Variants in ZNF438 observed in about 807,000 individuals in gnomAD.
The protein encoded by ZNF438 is zinc finger protein 438.
In ZNF438, 25 loss-of-function variants were observed where a neutral mutation model predicts 38.0. That is an observed-to-expected ratio of 0.66 (90% CI 0.48 to 0.92). ZNF438 has a LOEUF of 0.92. Among genes scored for constraint, ZNF438 ranks in the 40% least tolerant of loss-of-function variants. ZNF438 has a pLI of 0.00. For synonymous variants in ZNF438, 372 were observed against 364.1 expected (o/e 1.02, Z -0.25); for missense variants, 1,007 against 999.6 (o/e 1.01, Z -0.10).
At chr10:30,876,057 G>A (rs2038367789) in intron 4 of ZNF438, among the ~76,000 whole-genome samples, 1 of 152,244 alleles carries the variant, frequency 6.6e-6, no homozygotes, top group African/African-American at 2.4e-5. Flanking sequence ...TGTGGAAGCT[G>A]AGGTCAAGTG....
rs1246252831 is a variant in ZNF438, at chr10:30,848,529, A to G, written c.1874+2T>C. ...CCAGGTCTCCATTACATTGGCACTC[A>G]CCTCTCCAATGATCCCTCCATGCCT... On this transcript the variant is annotated splice_donor_variant, in intron 5 of 5. Coordinates refer to ENST00000413025, the Ensembl canonical transcript of ZNF438. LOFTEE classifies it high-confidence loss of function. The G allele has an allele frequency of 6.2e-7, 1 of 1,606,706 alleles. No individual in the cohort carries two copies. Among genetic ancestry groups the G allele is most frequent in the East Asian group, 2.2e-5 (1 of 44,662 alleles).
At chr10:30,894,879 T>C (rs1183618290) in intron 3 of ZNF438, among the ~76,000 whole-genome samples, 1 of 152,214 alleles carries the variant, frequency 6.6e-6, no homozygotes, top group Non-Finnish European at 1.5e-5. Flanking sequence ...TTGGTATAAA[T>C]GGCCATGTTG....
intron 1 of ZNF438, among the ~76,000 whole-genome samples, chr10:30,942,145 G>C (rs2046880701): frequency 6.6e-6 from 1 of 152,178 alleles, no homozygotes; most frequent in Non-Finnish European, 1.5e-5. Context: ...ATTACTACAG[G>C]GAAAATGTGG....
chr10:30,893,053 T>G (rs2040890121), intron 3 of ZNF438, among the ~76,000 whole-genome samples: 1 of 152,190 alleles, frequency 6.6e-6, no homozygotes, highest in East Asian at 1.9e-4. Context: ...AAGAAATTTC[T>G]GGGTTGACTT....
At chr10:30,881,077 C>A (rs1050385499) in intron 3 of ZNF438, among the ~76,000 whole-genome samples, 9 of 152,146 alleles carry the variant, frequency 5.9e-5, no homozygotes, top group Non-Finnish European at 1.2e-4. Flanking sequence ...AGTTCACAAA[C>A]AAGAGAAGGA....
At chr10:30,887,884 A>G (rs1157706435) in intron 3 of ZNF438, among the ~76,000 whole-genome samples, 6 of 152,146 alleles carry the variant, frequency 3.9e-5, no homozygotes, top group East Asian at 1.9e-4. Context: ...GTCACTATAA[A>G]TTAGTTTTGC....
chr10:30,972,083 C>T (rs1368722143), intron 1 of ZNF438, among the ~76,000 whole-genome samples: 1 of 151,978 alleles, frequency 6.6e-6, no homozygotes. Flanking sequence ...CATTGTCCTG[C>T]TTCAGTCTCC....
At chr10:31,001,464 T>C (rs777757220) in intron 1 of ZNF438, among the ~76,000 whole-genome samples, 2 of 152,136 alleles carry the variant, frequency 1.3e-5, no homozygotes, top group Admixed American at 6.5e-5. Context: ...AATCAGATAA[T>C]TGGACAGGAC....
intron 1 of ZNF438, among the ~76,000 whole-genome samples, chr10:31,017,332 T>C (rs1380082224): frequency 6.6e-6 from 1 of 152,200 alleles, no homozygotes; most frequent in East Asian, 1.9e-4. Context: ...TGGTCATACA[T>C]GAAACAAACT....
chr10:30,965,590 A>G (rs1335925412), intron 1 of ZNF438, among the ~76,000 whole-genome samples: 1 of 152,206 alleles, frequency 6.6e-6, no homozygotes, highest in African/African-American at 2.4e-5. Flanking sequence ...AAAAAAATAA[A>G]ATCATGTCCT....
intron 3 of ZNF438, among the ~76,000 whole-genome samples, chr10:30,892,577 C>T (rs148773318): frequency 5.3e-4 from 79 of 149,970 alleles, no homozygotes; most frequent in African/African-American, 1.8e-3. Flanking sequence ...ATATGAATAC[C>T]AGTCCAAAAA....
exon 5 of ZNF438, chr10:30,849,979 A>G: frequency 6.2e-7 from 1 of 1,614,134 alleles, no homozygotes; most frequent in Non-Finnish European, 8.5e-7. Flanking sequence ...AGCCACTCTT[A>G]GGAAAGATCA....
At chr10:30,905,242 G>A (rs973810623) in intron 3 of ZNF438, among the ~76,000 whole-genome samples, 1 of 152,184 alleles carries the variant, frequency 6.6e-6, no homozygotes, top group Non-Finnish European at 1.5e-5. Context: ...CACCAGTAAT[G>A]TATAGGGTTT....
At chr10:30,959,090 G>C (rs1185528563) in intron 1 of ZNF438, among the ~76,000 whole-genome samples, 2 of 147,330 alleles carry the variant, frequency 1.4e-5, no homozygotes, top group African/African-American at 4.9e-5. Context: ...CCAAGAAGTG[G>C]AATTGCTGAG....
chr10:30,949,193 C>T (rs537860988), intron 1 of ZNF438, among the ~76,000 whole-genome samples: 1 of 151,514 alleles, frequency 6.6e-6, no homozygotes, highest in Non-Finnish European at 1.5e-5. Flanking sequence ...TACAGACAAA[C>T]AAATGCTGAG....
intron 1 of ZNF438, among the ~76,000 whole-genome samples, chr10:30,983,844 T>C (rs1290679732): frequency 6.6e-6 from 1 of 152,190 alleles, no homozygotes; most frequent in Non-Finnish European, 1.5e-5. Context: ...ATTTACAAGA[T>C]AGATACAAAA....
chr10:30,890,727 G>GA (rs2040575976), intron 3 of ZNF438, among the ~76,000 whole-genome samples: 1 of 152,156 alleles, frequency 6.6e-6, no homozygotes, highest in Non-Finnish European at 1.5e-5. Flanking sequence ...TTATTATTTT[G>GA]AAAATGCAAT....
chr10:31,013,251 G>A (rs1392674071), intron 1 of ZNF438, among the ~76,000 whole-genome samples: 1 of 151,936 alleles, frequency 6.6e-6, no homozygotes, highest in Non-Finnish European at 1.5e-5. Context: ...CCCGGGAGGC[G>A]GAGCTTGCAG....
intron 2 of ZNF438, among the ~76,000 whole-genome samples, chr10:30,922,194 G>A (rs2044377340): frequency 6.6e-6 from 1 of 152,112 alleles, no homozygotes; most frequent in South Asian, 2.1e-4. Flanking sequence ...GTATCTCTCT[G>A]GAGATTTCAG....
Sources: gnomAD v4.1 joint callset for allele counts (sites outside exome capture counted in the v4.1 genomes callset) on GRCh38, gnomAD v4.1.1 for gene constraint, MANE v1.5 for transcripts, NCBI Gene and HGNC (gene_info 2026-07-23, HGNC 2026-07-21) for gene names.